Variants in BMPR1A observed in about 807,000 individuals in gnomAD.
The protein encoded by BMPR1A is bone morphogenetic protein receptor type 1A, also known as bone morphogenetic protein receptor type-1A.
Under a neutral mutation model 66.0 loss-of-function variants are expected in BMPR1A, and 7 were observed. That is an observed-to-expected ratio of 0.11 (90% CI 0.06 to 0.20). BMPR1A has a LOEUF of 0.20. Among genes scored for constraint, BMPR1A ranks in the 10% least tolerant of loss-of-function variants. BMPR1A has a pLI of 1.00. For synonymous variants in BMPR1A, 200 were observed against 229.7 expected (o/e 0.87, Z 1.17); for missense variants, 408 against 669.1 (o/e 0.61, Z 4.31).
intron 1 of BMPR1A, among the ~76,000 whole-genome samples, chr10:86,838,543 G>T (rs961538790): frequency 6.6e-6 from 1 of 151,692 alleles, no homozygotes; most frequent in African/African-American, 2.4e-5. Flanking sequence ...TGTACATTTC[G>T]GTGCTGCTTC....
intron 2 of BMPR1A, among the ~76,000 whole-genome samples, chr10:86,844,628 T>C (rs1842461883): frequency 6.6e-6 from 1 of 152,200 alleles, no homozygotes; most frequent in South Asian, 2.1e-4. Context: ...TTAGAAACAG[T>C]CTAATACTCT....
At chr10:86,757,496 T>G (rs1255512881) in intron 1 of BMPR1A, among the ~76,000 whole-genome samples, 1 of 152,170 alleles carries the variant, frequency 6.6e-6, no homozygotes, top group Non-Finnish European at 1.5e-5. Flanking sequence ...CTGGATTGCC[T>G]GGACCCTTTT....
chr10:86,848,297 A>G (rs1038746898), intron 2 of BMPR1A, among the ~76,000 whole-genome samples: 1 of 152,164 alleles, frequency 6.6e-6, no homozygotes, highest in Non-Finnish European at 1.5e-5. Context: ...TATCCCTCTC[A>G]TAAAGTTAGT....
At chr10:86,837,257 G>GTGTGTC (rs1554883404) in intron 1 of BMPR1A, among the ~76,000 whole-genome samples, 1 of 151,418 alleles carries the variant, frequency 6.6e-6, no homozygotes, top group African/African-American at 2.4e-5. Flanking sequence ...CTGTGTGTGT[G>GTGTGTC]TGTGTGTGTG....
intron 2 of BMPR1A, among the ~76,000 whole-genome samples, chr10:86,840,616 TTC>T (rs1842413396): frequency 6.6e-6 from 1 of 152,182 alleles, no homozygotes; most frequent in South Asian, 2.1e-4. Flanking sequence ...TTGTGGCATT[TTC>T]TCTAAGCTTC....
chr10:86,819,877 A>G (rs1260552574), intron 1 of BMPR1A, among the ~76,000 whole-genome samples: 1 of 152,138 alleles, frequency 6.6e-6, no homozygotes, highest in Non-Finnish European at 1.5e-5. Context: ...ACTCTTATTT[A>G]TGTCTGTAAT....
intron 2 of BMPR1A, among the ~76,000 whole-genome samples, chr10:86,866,091 T>A (rs1433267436): frequency 6.6e-6 from 1 of 152,074 alleles, no homozygotes; most frequent in Non-Finnish European, 1.5e-5. Flanking sequence ...AAGTCCCTTC[T>A]CCCCTCTTCC....
chr10:86,882,487 A>C (rs1843003132), intron 3 of BMPR1A, among the ~76,000 whole-genome samples: 1 of 152,088 alleles, frequency 6.6e-6, no homozygotes, highest in East Asian at 1.9e-4. Context: ...ATGAATAGAA[A>C]AAGGACAAGA....
In BMPR1A at chr10:86,925,770, G is replaced by A. The variant is rs1323437604; in HGVS notation, c.*2051G>A. The A allele has an allele frequency of 7.1e-6, 1 of 141,618 alleles. No homozygotes were observed. Among genetic ancestry groups the A allele is most frequent in the Non-Finnish European group, 1.4e-5 (1 of 72,608 alleles). The allele number at this position is 141,618 out of a possible 1,614,324, so 8.8% of individuals were successfully genotyped here. A position where few individuals can be genotyped will look rare whatever the true frequency, so the allele number is the denominator to read the frequency against. ...GAGTCTCGCTCTGTCGCCCAGGCTG[G>A]ACTGCGGACTGCAGTGGCGCAATCT... On this transcript the variant is annotated 3_prime_UTR_variant, in exon 13 of 13. Coordinates refer to ENST00000372037, the MANE Select transcript of BMPR1A (RefSeq NM_004329.3).
rs1030150137 is a variant in BMPR1A, at chr10:86,890,171, A to G, written c.177A>G (p.Leu59=). The G allele has an allele frequency of 6.2e-7, 1 of 1,614,190 alleles. No individual in the cohort carries two copies. The change falls in exon 4 of 13, where the codon TTA becomes TTG. Residue 59 remains leucine, a synonymous_variant. Transcript: ENST00000372037. The part of the protein sequence containing the change: ...TLAPEDTLPF[L]KCYCSGHCPD... Reference sequence around the variant, plus strand: ...CACCAGAGGATACCTTGCCTTTTTTAAAGTGCTATTGCTCAGGGCACTGTC... The same window carrying G: ...CACCAGAGGATACCTTGCCTTTTTTGAAGTGCTATTGCTCAGGGCACTGTC...
chr10:86,834,334 T>G (rs1238548768), intron 1 of BMPR1A, among the ~76,000 whole-genome samples: 1 of 152,234 alleles, frequency 6.6e-6, no homozygotes, highest in African/African-American at 2.4e-5. Flanking sequence ...AACCCAGTTT[T>G]GTATCATTGA....
At chr10:86,831,767 T>TA (rs765700556) in intron 1 of BMPR1A, among the ~76,000 whole-genome samples, 4 of 152,020 alleles carry the variant, frequency 2.6e-5, no homozygotes, top group Non-Finnish European at 5.9e-5. Flanking sequence ...CTGTCTCAAA[T>TA]AAAAAAATAG....
intron 7 of BMPR1A, among the ~76,000 whole-genome samples, chr10:86,901,921 T>C (rs1003242524): frequency 6.6e-6 from 1 of 152,236 alleles, no homozygotes; most frequent in Middle Eastern, 3.4e-3. Context: ...TGGAGTGCAG[T>C]GATCTCGGCT....
At chr10:86,778,517 T>A (rs1040047672) in intron 1 of BMPR1A, among the ~76,000 whole-genome samples, 1 of 152,158 alleles carries the variant, frequency 6.6e-6, no homozygotes, top group African/African-American at 2.4e-5. Flanking sequence ...GCCAAAAGAT[T>A]GGATACCCCT....
chr10:86,824,071 T>C (rs1171818187), intron 1 of BMPR1A, among the ~76,000 whole-genome samples: 2 of 82,632 alleles, frequency 2.4e-5, no homozygotes, highest in Non-Finnish European at 5.0e-5. Context: ...CCTGGAAATA[T>C]TACCAAGGGT....
At chr10:86,855,550 G>T (rs928242701) in intron 2 of BMPR1A, 1 of 473,070 alleles carries the variant, frequency 2.1e-6, no homozygotes, top group Non-Finnish European at 3.8e-6. Context: ...TTTGAAAATA[G>T]TATTTCTATT....
chr10:86,877,357 A>G lies in BMPR1A; in HGVS notation c.67+1272A>G, dbSNP rs899080245. Among the ~76,000 whole-genome samples the G allele has an allele frequency of 4.0e-5, 6 of 151,664 alleles. No homozygotes were observed. In the East Asian group the frequency reaches 7.8e-4, roughly 20 times the overall value. On this transcript the variant is annotated intron_variant, in intron 3 of 12. Transcript: ENST00000372037. ...CGAGTAGCTGGGATTACAGGCGCCC[A>G]CCATCACGCCCAGCTAATTTTTTGT...
chr10:86,910,604 G>A (rs1042880613), intron 7 of BMPR1A, among the ~76,000 whole-genome samples: 1 of 152,080 alleles, frequency 6.6e-6, no homozygotes, highest in Non-Finnish European at 1.5e-5. Context: ...ATAGAGCTGG[G>A]AGGAGGATTT....
At chr10:86,917,022 A>T in intron 8 of BMPR1A, 112 bp from the exon 9 acceptor site, 1 of 1,175,152 alleles carries the variant, frequency 8.5e-7, no homozygotes, top group Non-Finnish European at 1.2e-6. Context: ...ATAAGTTTTT[A>T]ACTGGAGTTG....
Sources: allele counts gnomAD v4.1 joint callset (sites outside exome capture counted in the v4.1 genomes callset), GRCh38; gene constraint gnomAD v4.1.1; transcripts MANE v1.5; gene names NCBI Gene and HGNC (gene_info 2026-07-23, HGNC 2026-07-21).